ZNF138: variants seen among roughly 807,000 people sequenced by gnomAD.
ZNF138 encodes the protein zinc finger protein 138 (clone pHZ-32).
Under a neutral mutation model 33.0 loss-of-function variants are expected in ZNF138, and 33 were observed. The observed-to-expected ratio is 1.00, with a 90% CI of 0.76 to 1.34. The LOEUF (loss-of-function observed/expected upper bound fraction) is 1.34, where lower values mean the gene tolerates loss of function less well. Among genes scored for constraint, ZNF138 ranks in the 40% most tolerant of loss-of-function variants. The pLI is 0.00. For synonymous variants in ZNF138, 139 were observed against 120.4 expected (o/e 1.15, Z -1.01); for missense variants, 360 against 370.8 (o/e 0.97, Z 0.24).
At position 64,831,547 on chromosome 7, in the gene ZNF138, A is replaced by C; in HGVS notation, c.305A>C (p.His102Pro). The part of the protein sequence containing the change: ...VTLSRYGKYG[H>P]KNLQLRKGCK... The stretch of plus-strand genomic sequence containing the variant: ...CTGAGCAGATATGGAAAATATGGAC[A>C]TAAGAATTTACAGTTAAGAAAAGGC... Residue 102 changes from histidine to proline, a missense_variant, in exon 4 of 4, where the codon CAT becomes CCT. Transcript: ENST00000307355. 3.1e-6 allele frequency: 5 copies of C among 1,613,632 alleles called. No homozygotes were observed. Among genetic ancestry groups the C allele is most frequent in the Non-Finnish European group, 4.2e-6 (5 of 1,179,822 alleles).
intron 1 of ZNF138, among the ~76,000 whole-genome samples, chr7:64,808,761 CT>C (rs1787824683): frequency 1.5e-5 from 2 of 134,908 alleles, no homozygotes; most frequent in Non-Finnish European, 3.4e-5. Context: ...GTTTGTGTCC[CT>C]GGGTACTTGA....
At chr7:64,801,635 T>C (rs1006823822) in intron 1 of ZNF138, among the ~76,000 whole-genome samples, 1 of 152,174 alleles carries the variant, frequency 6.6e-6, no homozygotes, top group African/African-American at 2.4e-5. Context: ...ATATATATTA[T>C]GTTGTTTTTA....
At position 64,794,522 on chromosome 7, in the gene ZNF138, T is replaced by C. The variant is rs1035229874; in HGVS notation, c.-47T>C. 3 of 1,612,166 alleles carry C rather than the reference T, an allele frequency of 1.9e-6. No individual in the cohort carries two copies. The highest frequency in any genetic ancestry group is 2.5e-6 in the Non-Finnish European group (3 of 1,178,912). On this transcript the variant is annotated 5_prime_UTR_variant, in exon 1 of 4. Transcript: ENST00000307355. ...CCTCTGTGGCGCTGTGATCTGGTTA[T>C]TGGGAGATTCACAGCTAAGACGCCA...
chr7:64,859,037 T>TC, the ZNF138 span, among the ~76,000 whole-genome samples: 1 of 152,224 alleles, frequency 6.6e-6, no homozygotes, highest in East Asian at 1.9e-4. Context: ...AAATGATTCT[T>TC]CTGTCTCAGC....
the ZNF138 span, chr7:64,853,486 A>T: frequency 2.0e-6 from 1 of 497,194 alleles, no homozygotes; most frequent in Non-Finnish European, 3.6e-6. Context: ...GAGATCATGT[A>T]GTATTTGTCT....
chr7:64,840,922 A>C, the ZNF138 span, among the ~76,000 whole-genome samples: 1 of 152,180 alleles, frequency 6.6e-6, no homozygotes, highest in African/African-American at 2.4e-5. Context: ...ATATTGTAAC[A>C]AAACAAATAT....
At chr7:64,853,274 C>T in the ZNF138 span, 326 of 1,611,954 alleles carry the variant, frequency 2.0e-4, 2 homozygotes, top group African/African-American at 3.9e-3. Context: ...AGCCTGTGCC[C>T]TTCAGTTCAG....
chr7:64,803,489 C>A (rs1361213554), intron 1 of ZNF138, among the ~76,000 whole-genome samples: 1 of 152,024 alleles, frequency 6.6e-6, no homozygotes, highest in Non-Finnish European at 1.5e-5. Flanking sequence ...ATTGCAAAAG[C>A]GAGGTTCAGT....
downstream of ZNF138, among the ~76,000 whole-genome samples, chr7:64,837,843 A>T (rs1790407171): frequency 1.3e-5 from 2 of 152,146 alleles, no homozygotes; most frequent in African/African-American, 4.8e-5. Flanking sequence ...ACCTAACCTG[A>T]GAAAGTGTTT....
intron 1 of ZNF138, among the ~76,000 whole-genome samples, chr7:64,801,843 A>G (rs1787160883): frequency 6.6e-6 from 1 of 152,222 alleles, no homozygotes; most frequent in Non-Finnish European, 1.5e-5. Flanking sequence ...AAAGGAAATT[A>G]AATCTTGGGA....
chr7:64,799,414 C>T (rs1188119073), intron 1 of ZNF138, among the ~76,000 whole-genome samples: 2 of 152,182 alleles, frequency 1.3e-5, no homozygotes, highest in East Asian at 1.9e-4. Context: ...CTGCCCGCCT[C>T]TGCCTCCCAA....
At chr7:64,807,514 C>G (rs1016505388) in intron 1 of ZNF138, among the ~76,000 whole-genome samples, 6 of 152,186 alleles carry the variant, frequency 3.9e-5, no homozygotes, top group African/African-American at 1.4e-4. Flanking sequence ...TGTGCTAGAG[C>G]AGGCTGTATG....
chr7:64,797,527 T>C (rs1368916895), intron 1 of ZNF138, among the ~76,000 whole-genome samples: 2 of 152,066 alleles, frequency 1.3e-5, no homozygotes, highest in Admixed American at 6.5e-5. Flanking sequence ...GGGAGGTTAT[T>C]AAAGGCCCAG....
intron 3 of ZNF138, among the ~76,000 whole-genome samples, chr7:64,816,861 G>A (rs1467727768): frequency 1.3e-5 from 2 of 152,190 alleles, no homozygotes; most frequent in Non-Finnish European, 2.9e-5. Context: ...TGCCCTCTGG[G>A]TTTGTAATGG....
At chr7:64,802,967 AT>A (rs1470953531) in intron 1 of ZNF138, among the ~76,000 whole-genome samples, 27 of 152,108 alleles carry the variant, frequency 1.8e-4, no homozygotes, top group African/African-American at 6.3e-4. Context: ...ATGAGTGACT[AT>A]TTTTCCCTAC....
At chr7:64,818,737 G>T (rs887409443) in intron 3 of ZNF138, among the ~76,000 whole-genome samples, 1 of 149,194 alleles carries the variant, frequency 6.7e-6, no homozygotes. Context: ...GTGACAGAGC[G>T]AGACTCCATC....
chr7:64,829,027 A>T (rs796811628), intron 3 of ZNF138, among the ~76,000 whole-genome samples: 1 of 152,050 alleles, frequency 6.6e-6, no homozygotes, highest in Non-Finnish European at 1.5e-5. Flanking sequence ...GGTGTTTTCT[A>T]TTGTTGTATA....
chr7:64,837,561 C>A (rs1790401218), downstream of ZNF138, among the ~76,000 whole-genome samples: 1 of 152,128 alleles, frequency 6.6e-6, no homozygotes, highest in South Asian at 2.1e-4. Context: ...TGCCCAGAGC[C>A]ACGCGAGGGC....
chr7:64,844,234 C>CTGT, the ZNF138 span, among the ~76,000 whole-genome samples: 1 of 152,192 alleles, frequency 6.6e-6, no homozygotes, highest in Admixed American at 6.5e-5. Context: ...TGTGCCCAAC[C>CTGT]TGTTGTTATT....
Sources: allele counts gnomAD v4.1 joint callset (sites outside exome capture counted in the v4.1 genomes callset), GRCh38; gene constraint gnomAD v4.1.1; transcripts MANE v1.5; gene names NCBI Gene and HGNC (gene_info 2026-07-23, HGNC 2026-07-21).